The following HPSE2 variants were observed in gnomAD, a reference collection of about 807,000 sequenced individuals.
HPSE2 encodes the protein heparanase 2 (inactive).
HPSE2 carries 38 observed loss-of-function variants against 60.5 expected under a neutral mutation model. That is an observed-to-expected ratio of 0.63 (90% CI 0.48 to 0.82). The LOEUF is 0.82. Among genes scored for constraint, HPSE2 ranks in the 40% least tolerant of loss-of-function variants. HPSE2 has a pLI of 0.00. For synonymous variants in HPSE2, 295 were observed against 293.2 expected (o/e 1.01, Z -0.06); for missense variants, 713 against 740.4 (o/e 0.96, Z 0.43).
intron 2 of HPSE2, among the ~76,000 whole-genome samples, chr10:99,193,350 G>A (rs1848285415): frequency 6.6e-6 from 1 of 151,966 alleles, no homozygotes; most frequent in Admixed American, 6.6e-5. Flanking sequence ...AGGAAGACAG[G>A]AAGAAGGAAA....
At chr10:98,697,992 A>G (rs1347305932) in intron 5 of HPSE2, among the ~76,000 whole-genome samples, 2 of 149,386 alleles carry the variant, frequency 1.3e-5, no homozygotes, top group Non-Finnish European at 3.0e-5. Flanking sequence ...TCATAAAGCA[A>G]GTCCTGAGTG....
chr10:98,725,810 C>T (rs552824601), intron 4 of HPSE2, among the ~76,000 whole-genome samples: 1 of 152,202 alleles, frequency 6.6e-6, no homozygotes, highest in South Asian at 2.1e-4. Context: ...ACAACCCCAT[C>T]AAAAAGTGGG....
rs557054827 is a variant in HPSE2, at chr10:98,933,671, C to G, written c.611-189615G>C. ...GTGCATATATATTTAGGGTAGTTAG[C>G]TCTTCGTGTTGAATTGAACACTTTA... On this transcript the variant is annotated intron_variant, in intron 3 of 11. Transcript: ENST00000370552. 3.8e-4 allele frequency among the ~76,000 whole-genome samples: 55 copies of G among 143,572 alleles called. 11 individuals are homozygous for G. The highest frequency in any genetic ancestry group is 1.4e-3 in the African/African-American group (51 of 35,222). The allele number at this position is 143,572 out of a possible 152,430, so 94.2% of individuals were successfully genotyped here.
At chr10:98,828,002 T>A (rs1432477060) in intron 3 of HPSE2, among the ~76,000 whole-genome samples, 1 of 152,196 alleles carries the variant, frequency 6.6e-6, no homozygotes, top group Non-Finnish European at 1.5e-5. Context: ...AAGATTGGCC[T>A]CCCCAGGAAA....
intron 4 of HPSE2, among the ~76,000 whole-genome samples, chr10:98,725,227 G>T (rs940676736): frequency 1.3e-5 from 2 of 152,060 alleles, no homozygotes; most frequent in East Asian, 1.9e-4. Flanking sequence ...CATGCTACCT[G>T]ACTTCAAACT....
chr10:98,488,173 G>A (rs186151009), intron 10 of HPSE2, among the ~76,000 whole-genome samples: 1 of 152,322 alleles, frequency 6.6e-6, no homozygotes, highest in East Asian at 1.9e-4. Context: ...TAGACAGACA[G>A]TCTTGAATGC....
At chr10:98,664,859 C>T (rs1185442953) in intron 6 of HPSE2, among the ~76,000 whole-genome samples, 3 of 152,134 alleles carry the variant, frequency 2.0e-5, no homozygotes, top group Non-Finnish European at 4.4e-5. Flanking sequence ...AGAATCAGCA[C>T]AAGAATTCTG....
At chr10:98,586,971 C>T (rs988078150) in intron 9 of HPSE2, among the ~76,000 whole-genome samples, 1 of 152,154 alleles carries the variant, frequency 6.6e-6, no homozygotes, top group African/African-American at 2.4e-5. Context: ...TTGTAAACTT[C>T]CTGTCTTCTT....
rs115353338 is a variant in HPSE2, at chr10:99,078,052, C to T, written c.610+66186G>A. Among the ~76,000 whole-genome samples, 771 of 152,232 alleles carry T rather than the reference C, an allele frequency of 5.1e-3. 9 individuals carry two copies. Among genetic ancestry groups the T allele is most frequent in the African/African-American group, 0.018 (735 of 41,538 alleles). On this transcript the variant is annotated intron_variant, in intron 3 of 11. Transcript: ENST00000370552. ...TTGCTCCCGTTCCATGTGATATGGG[C>T]CTGCTCCCCTATCACCTTCCACCAT...
rs1849823602 is a variant in HPSE2, at chr10:99,235,806, A to G, written c.-4T>C. On this transcript the variant is annotated 5_prime_UTR_variant, in exon 1 of 12. Coordinates refer to ENST00000370552, the MANE Select transcript of HPSE2 (RefSeq NM_021828.5). ...GGAAGGCACAAAGCACCCTCATTCAATCCCTCTGATTTAAACCTCTCTTCC... is the reference window on the plus strand; with the variant it reads ...GGAAGGCACAAAGCACCCTCATTCAGTCCCTCTGATTTAAACCTCTCTTCC... 1 of 1,612,168 alleles carries G rather than the reference A, an allele frequency of 6.2e-7. No homozygotes were observed. The highest frequency in any genetic ancestry group is 1.3e-5 in the African/African-American group (1 of 74,816).
chr10:99,084,694 A>G (rs1843260466), intron 3 of HPSE2, among the ~76,000 whole-genome samples: 2 of 152,234 alleles, frequency 1.3e-5, no homozygotes, highest in Admixed American at 1.3e-4. Flanking sequence ...CAAAAAAACA[A>G]AAACAAAATT....
At chr10:98,652,829 GATA>G (rs1946953946) in intron 6 of HPSE2, among the ~76,000 whole-genome samples, 1 of 152,220 alleles carries the variant, frequency 6.6e-6, no homozygotes, top group Non-Finnish European at 1.5e-5. Flanking sequence ...CATTAACTAA[GATA>G]ATAATTATTC....
At chr10:99,111,626 T>C (rs1307115894) in intron 3 of HPSE2, among the ~76,000 whole-genome samples, 4 of 152,208 alleles carry the variant, frequency 2.6e-5, no homozygotes, top group Non-Finnish European at 4.4e-5. Flanking sequence ...AATCTCAGTA[T>C]ACAAAAAAGA....
intron 6 of HPSE2, among the ~76,000 whole-genome samples, chr10:98,666,604 A>G (rs191421878): frequency 2.6e-5 from 4 of 152,346 alleles, no homozygotes; most frequent in Admixed American, 6.5e-5. Context: ...GCAGTACAAT[A>G]AAAATAGAAA....
In HPSE2 at chr10:98,983,764, G is replaced by A. The variant is rs370309966; in HGVS notation, c.610+160474C>T. Among the ~76,000 whole-genome samples the A allele has an allele frequency of 7.0e-4, 107 of 152,290 alleles. 1 individual carries two copies. In the South Asian group the frequency reaches 0.021, roughly 29 times the overall value. On this transcript the variant is annotated intron_variant, in intron 3 of 11. Coordinates refer to ENST00000370552, the MANE Select transcript of HPSE2 (RefSeq NM_021828.5). Reference sequence around the variant, plus strand: ...CTAGCCAAGGAAAGGGGTGACAGACGGCACCTGGAAAATCGGGTCACTCCC... The same window carrying A: ...CTAGCCAAGGAAAGGGGTGACAGACAGCACCTGGAAAATCGGGTCACTCCC...
rs370437597 is a variant in HPSE2 at position 99,018,173 on chromosome 10, T to C, written c.610+126065A>G. 3.9e-5 allele frequency among the ~76,000 whole-genome samples: 6 copies of C among 152,328 alleles called. 1 individual carries two copies. In the East Asian group the frequency reaches 7.7e-4, roughly 20 times the overall value. On this transcript the variant is annotated intron_variant, in intron 3 of 11. Transcript: ENST00000370552. ...TGGGAAGAGAAATAACTTAAAACTCTAGCAGCTTAATCACTTCCCCACTTT... is the reference window on the plus strand; with the variant it reads ...TGGGAAGAGAAATAACTTAAAACTCCAGCAGCTTAATCACTTCCCCACTTT...
At chr10:99,241,952 C>T in the HPSE2 span, among the ~76,000 whole-genome samples, 1 of 152,228 alleles carries the variant, frequency 6.6e-6, no homozygotes, top group African/African-American at 2.4e-5. Context: ...TGTTAATAAA[C>T]GTGGTCAAAC....
At chr10:99,259,262 C>A in the HPSE2 span, among the ~76,000 whole-genome samples, 4 of 149,342 alleles carry the variant, frequency 2.7e-5, no homozygotes, top group Non-Finnish European at 5.9e-5. Flanking sequence ...GCCAAGATTG[C>A]TCCATTGCAC....
chr10:98,598,416 C>T (rs528655709), intron 9 of HPSE2, among the ~76,000 whole-genome samples: 11 of 152,158 alleles, frequency 7.2e-5, no homozygotes, highest in Non-Finnish European at 1.5e-4. Context: ...TTAGGGCAGG[C>T]CTGGAGCCTG....
Sources: allele counts gnomAD v4.1 joint callset (sites outside exome capture counted in the v4.1 genomes callset), GRCh38; gene constraint gnomAD v4.1.1; transcripts MANE v1.5; gene names NCBI Gene and HGNC (gene_info 2026-07-23, HGNC 2026-07-21).